Variants in EP400 observed in about 807,000 individuals in gnomAD.
EP400 encodes the protein E1A-binding protein p400.
In EP400, 105 loss-of-function variants were observed where a neutral mutation model predicts 354.1. The observed-to-expected ratio is 0.30, with a 90% CI of 0.25 to 0.35. EP400 has a LOEUF of 0.35. EP400 is among the 10% of genes least tolerant of loss of function. EP400 has a pLI of 1.00. For missense variants in EP400, 3,280 were observed against 4,121.0 expected (o/e 0.80, Z 5.59); for synonymous variants, 1,646 against 1,716.9 (o/e 0.96, Z 1.02).
chr12:131,997,372 G>A (rs913580226), intron 12 of EP400, among the ~76,000 whole-genome samples: 10 of 151,342 alleles, frequency 6.6e-5, no homozygotes, highest in Non-Finnish European at 1.2e-4. Context: ...GGGCTCAGAC[G>A]ATCCTTCCAC....
At chr12:131,983,705 G>T (rs573264756) in intron 5 of EP400, among the ~76,000 whole-genome samples, 2 of 152,132 alleles carry the variant, frequency 1.3e-5, no homozygotes, top group African/African-American at 2.4e-5. Flanking sequence ...TTTGAAACAG[G>T]GTCTGGCTCT....
chr12:132,057,352 C>T (rs1443832725), intron 45 of EP400, among the ~76,000 whole-genome samples: 3 of 152,218 alleles, frequency 2.0e-5, no homozygotes, highest in East Asian at 3.8e-4. Flanking sequence ...ATGCCCGAGA[C>T]ATACATCTCC....
rs759368707 is a variant in EP400, at chr12:132,006,183, G to A, written c.3007G>A (p.Asp1003Asn). The change falls in exon 14 of 53, where the codon GAT (aspartate) becomes AAT (asparagine). Residue 1003 changes from aspartate to asparagine, a missense_variant. By Grantham distance (23) the Asp-to-Asn change is conservative. This residue lies in a region of EP400 where 800 missense variants were observed against 840.0 expected (regional missense o/e 0.95). Transcript: ENST00000389561. The part of the protein sequence containing the change: ...LVLIDSLFIM[D>N]QFKAAERMNI... ...TCTCATCGACTCGCTTTTCATCATGGATCAGTTCAAAGCTGCCGAGAGGAT... is the reference window on the plus strand; with the variant it reads ...TCTCATCGACTCGCTTTTCATCATGAATCAGTTCAAAGCTGCCGAGAGGAT... The A allele has an allele frequency of 2.9e-5, 47 of 1,614,094 alleles. No individual in the cohort carries two copies. Among genetic ancestry groups the A allele is most frequent in the Non-Finnish European group, 3.9e-5 (46 of 1,180,050 alleles).
intron 2 of EP400, among the ~76,000 whole-genome samples, chr12:131,974,941 G>A (rs2136482835): frequency 7.2e-6 from 1 of 139,704 alleles, no homozygotes; most frequent in Admixed American, 7.6e-5. Flanking sequence ...ATTGAGCAGG[G>A]CTTGTGCCAC....
At chr12:131,957,253 T>G (rs1258083401) in intron 1 of EP400, among the ~76,000 whole-genome samples, 1 of 152,194 alleles carries the variant, frequency 6.6e-6, no homozygotes, top group African/African-American at 2.4e-5. Flanking sequence ...ATGGTATTGG[T>G]AATAGCTTTT....
intron 3 of EP400, among the ~76,000 whole-genome samples, chr12:131,980,323 A>T (rs955307417): frequency 6.6e-6 from 1 of 152,168 alleles, no homozygotes; most frequent in Non-Finnish European, 1.5e-5. Flanking sequence ...TTGAGATGCG[A>T]TCATATATAA....
Position 132,063,784 on chromosome 12 carries a change from C to G in EP400, c.8335-884C>G, listed in dbSNP as rs144099362. On this transcript the variant is annotated intron_variant, in intron 47 of 52. Coordinates refer to ENST00000389561, the MANE Select transcript of EP400 (RefSeq NM_015409.5). ...TTGAGCTTATCCTGTTCCTGTCACA[C>G]CAGCCATCCCTCGAGGGCTGCATGG... 5.3e-5 allele frequency among the ~76,000 whole-genome samples: 8 copies of G among 152,276 alleles called. No individual in the cohort carries two copies. In the East Asian group the frequency reaches 1.6e-3, roughly 30 times the overall value.
In EP400 at chr12:132,015,838, C is replaced by T. The variant is rs542527523; in HGVS notation, c.3924-1697C>T. On this transcript the variant is annotated intron_variant, in intron 19 of 52. Coordinates refer to ENST00000389561, the MANE Select transcript of EP400 (RefSeq NM_015409.5). ...TGTTTGGGCGCTGTCTGGTGCTTGA[C>T]GGGATCCTTGGGTGGCCCAGGAGCG... Among the ~76,000 whole-genome samples the T allele has an allele frequency of 7.2e-4, 109 of 152,284 alleles. 1 individual carries two copies. The South Asian group carries it at 0.019, about 27-fold the overall frequency.
chr12:132,067,035 A>T lies in EP400; in HGVS notation c.8749+66A>T. 1 of 1,458,114 alleles carries T rather than the reference A, an allele frequency of 6.9e-7. No homozygotes were observed. Among genetic ancestry groups the T allele is most frequent in the South Asian group, 1.4e-5 (1 of 70,488 alleles). The allele number at this position is 1,458,114 out of a possible 1,614,324, so 90.3% of individuals were successfully genotyped here. On this transcript the variant is annotated intron_variant, in intron 49 of 52. Coordinates refer to ENST00000389561, the MANE Select transcript of EP400 (RefSeq NM_015409.5). The surrounding 1 kb of genome is among the most constrained non-coding windows in gnomAD (Gnocchi z 5.3). ...TGGTTTCACAGGCCTCTCTGGTGGC[A>T]GTGGTCGCCAGCGACCCGTGTTCTT...
intron 2 of EP400, among the ~76,000 whole-genome samples, chr12:131,977,094 A>G (rs1892504456): frequency 6.6e-6 from 1 of 151,746 alleles, no homozygotes; most frequent in South Asian, 2.1e-4. Flanking sequence ...TTTGTATTTC[A>G]TCTAGAGTTT....
At chr12:131,952,320 A>AAAAAAG (rs1566156259) in intron 1 of EP400, among the ~76,000 whole-genome samples, 11 of 148,722 alleles carry the variant, frequency 7.4e-5, no homozygotes, top group South Asian at 2.1e-4. Context: ...AAAAAAAAAA[A>AAAAAAG]AAAAAGAAAA....
At position 132,067,491 on chromosome 12, in the gene EP400, C is replaced by G. The variant is rs544180919; in HGVS notation, c.8874+5C>G. ...CCGGCAGCCGTCCAGCAGAAGGTAC[C>G]GGGGCTAGGGGATTCTCACTTCTGG... On this transcript the variant is annotated splice_donor_5th_base_variant and intron_variant, in intron 50 of 52. Coordinates refer to ENST00000389561, the MANE Select transcript of EP400 (RefSeq NM_015409.5). The surrounding 1 kb of genome is among the most constrained non-coding windows in gnomAD (Gnocchi z 5.3). 2 of 1,611,510 alleles carry G rather than the reference C, an allele frequency of 1.2e-6. No homozygotes were observed. The highest frequency in any genetic ancestry group is 2.2e-5 in the South Asian group (2 of 91,006).
chr12:132,014,137 C>T (rs1893848623), intron 19 of EP400, among the ~76,000 whole-genome samples: 1 of 152,256 alleles, frequency 6.6e-6, no homozygotes, highest in Non-Finnish European at 1.5e-5. Flanking sequence ...AGAAGCCCCA[C>T]TCCTGTGTAG....
At position 132,067,325 on chromosome 12, in the gene EP400, C is replaced by T. The variant is rs1186954088; in HGVS notation, c.8750-37C>T. On this transcript the variant is annotated intron_variant, in intron 49 of 52. Transcript: ENST00000389561. This position sits in a 1 kb window ranked among gnomAD's most constrained non-coding sequence, Gnocchi z 5.3. The stretch of plus-strand genomic sequence containing the variant: ...CTTGGCGTGAGCCTCAAGCTCTTTT[C>T]CCAGTGTGCTGACTAAGGGGCTTTT... The T allele has an allele frequency of 1.3e-6, 2 of 1,599,976 alleles. No homozygotes were observed. Among genetic ancestry groups the T allele is most frequent in the South Asian group, 1.1e-5 (1 of 90,134 alleles).
At chr12:131,967,654 C>T (rs1450334506) in intron 2 of EP400, among the ~76,000 whole-genome samples, 1 of 151,526 alleles carries the variant, frequency 6.6e-6, no homozygotes, top group African/African-American at 2.4e-5. Context: ...GGCACCACTG[C>T]ACTCTAGCCT....
In EP400 at chr12:132,053,473, C is replaced by T. The variant is rs758794656; in HGVS notation, c.7604C>T (p.Pro2535Leu). Reference protein sequence around the residue: ...LPQPQAAGSQPPAGPPAVQPQ... With the variant: ...LPQPQAAGSQLPAGPPAVQPQ... ...CAACCACAGGCAGCGGGCAGCCAGC[C>T]GCCAGCAGGGCCACCAGCTGTCCAG... is the stretch of plus-strand genomic sequence containing the variant. The change falls in exon 43 of 53, where the codon CCG becomes CTG. Residue 2535 changes from proline to leucine, a missense_variant. This residue lies in a region of EP400 where 255 missense variants were observed against 295.9 expected (regional missense o/e 0.86). Coordinates refer to ENST00000389561, the MANE Select transcript of EP400 (RefSeq NM_015409.5). 2.5e-4 allele frequency: 376 copies of T among 1,532,560 alleles called. No individual in the cohort carries two copies. The highest frequency in any genetic ancestry group is 2.0e-4 in the Non-Finnish European group (225 of 1,144,964). 94.9% of individuals were successfully genotyped at this position (1,532,560 alleles called of 1,614,324 possible).
chr12:132,019,334 G>T (rs1384514598), intron 21 of EP400, among the ~76,000 whole-genome samples: 3 of 152,182 alleles, frequency 2.0e-5, no homozygotes, highest in African/African-American at 4.8e-5. Context: ...GAGACCACAC[G>T]CCCGGCCTAA....
chr12:131,976,040 A>G (rs575009500), intron 2 of EP400, among the ~76,000 whole-genome samples: 1 of 152,218 alleles, frequency 6.6e-6, no homozygotes, highest in South Asian at 2.1e-4. Context: ...ACGCCTATCC[A>G]ATGAATTTTT....
At chr12:132,056,421 A>ACATG (rs1895517479) in intron 45 of EP400, among the ~76,000 whole-genome samples, 1 of 144,702 alleles carries the variant, frequency 6.9e-6, no homozygotes, top group East Asian at 2.0e-4. Flanking sequence ...CCAACACAAC[A>ACATG]CACGCACACA....
Sources: allele counts gnomAD v4.1 joint callset (sites outside exome capture counted in the v4.1 genomes callset), GRCh38; gene constraint gnomAD v4.1.1; regional missense constraint gnomAD v4.1.1; non-coding constraint Gnocchi (gnomAD v3.1); transcripts MANE v1.5; gene names NCBI Gene and HGNC (gene_info 2026-07-23, HGNC 2026-07-21).